BANK1: variants seen among roughly 807,000 people sequenced by gnomAD.
BANK1 encodes B-cell scaffold protein with ankyrin repeats.
A neutral mutation model predicts 94.5 loss-of-function variants in BANK1; 95 were observed. The observed-to-expected ratio is 1.00, with a 90% CI of 0.85 to 1.19. The LOEUF (loss-of-function observed/expected upper bound fraction) is 1.19, where lower values mean the gene tolerates loss of function less well. Ranked by LOEUF, BANK1 falls within the 50% of genes most tolerant of loss-of-function variation. The pLI is 0.00. For synonymous variants in BANK1, 334 were observed against 308.4 expected, an observed-to-expected ratio of 1.08 and a Z score of -0.87; for missense variants, 987 against 932.2, an observed-to-expected ratio of 1.06 and a Z score of -0.77.
rs1355685202 is a variant in BANK1, at chr4:101,855,054, G to A, written c.489G>A (p.Glu163=). Residue 163 remains glutamate, a synonymous_variant, in exon 3 of 17, where the codon GAG becomes GAA. Transcript: ENST00000322953. ...IIFKDSEDYF[E]VNIPTDLRAK... is the part of the protein sequence containing the mutation. The stretch of plus-strand genomic sequence containing the variant: ...CTCTAGATTCTGAAGACTACTTTGA[G>A]GTCAACATTCCAACAGACCTACGAG... The A allele has an allele frequency of 6.2e-7, 1 of 1,611,440 alleles. No individual in the cohort carries two copies. The highest frequency in any genetic ancestry group is 2.2e-5 in the East Asian group (1 of 44,844).
At chr4:101,857,244 C>G (rs1465721746) in intron 3 of BANK1, among the ~76,000 whole-genome samples, 3 of 152,198 alleles carry the variant, frequency 2.0e-5, no homozygotes, top group African/African-American at 4.8e-5. Flanking sequence ...CTACCTCAGT[C>G]AGTCACCAGG....
intron 1 of BANK1, among the ~76,000 whole-genome samples, chr4:101,820,393 T>C (rs1260217672): frequency 3.3e-5 from 5 of 152,336 alleles, no homozygotes; most frequent in Non-Finnish European, 7.3e-5. Flanking sequence ...CAGTGAGGGA[T>C]GTTGGCATCT....
intron 1 of BANK1, among the ~76,000 whole-genome samples, chr4:101,819,693 C>G (rs1236466558): frequency 6.6e-6 from 1 of 152,130 alleles, no homozygotes; most frequent in Non-Finnish European, 1.5e-5. Context: ...CCATCGACAT[C>G]AAAAGTTCAG....
intron 1 of BANK1, among the ~76,000 whole-genome samples, chr4:101,821,951 A>G (rs1272811041): frequency 6.6e-6 from 1 of 152,210 alleles, no homozygotes; most frequent in Non-Finnish European, 1.5e-5. Flanking sequence ...ATGGGAGCCT[A>G]GGTGATGTAA....
chr4:101,867,176 T>TAAAAAAAAAAA (rs754806525), intron 4 of BANK1, among the ~76,000 whole-genome samples: 1 of 33,378 alleles, frequency 3.0e-5, no homozygotes, highest in Non-Finnish European at 5.7e-5. Context: ...AAAAAAAATT[T>TAAAAAAAAAAA]AAAAAAAAAA....
intron 7 of BANK1, among the ~76,000 whole-genome samples, chr4:102,002,737 A>G (rs1168518783): frequency 6.6e-6 from 1 of 152,214 alleles, no homozygotes; most frequent in Non-Finnish European, 1.5e-5. Context: ...GAGAACTCAA[A>G]TTCAGGGAAA....
At chr4:101,864,104 C>G (rs1211391572) in intron 4 of BANK1, among the ~76,000 whole-genome samples, 1 of 152,118 alleles carries the variant, frequency 6.6e-6, no homozygotes, top group African/African-American at 2.4e-5. Context: ...GATTAAACAA[C>G]AAATCTGTAA....
At chr4:101,922,391 G>C (rs1723029286) in intron 7 of BANK1, among the ~76,000 whole-genome samples, 1 of 151,688 alleles carries the variant, frequency 6.6e-6, no homozygotes, top group Non-Finnish European at 1.5e-5. Flanking sequence ...AGCATATCCT[G>C]CTTTGCTTAT....
Position 101,918,012 on chromosome 4 carries a change from T to G in BANK1, c.1029T>G (p.Leu343=), listed in dbSNP as rs1560632322. 9.3e-6 allele frequency: 15 copies of G among 1,607,486 alleles called. No homozygotes were observed. The highest frequency in any genetic ancestry group is 1.3e-5 in the Non-Finnish European group (15 of 1,175,494). The part of the protein sequence containing the change: ...SQNKYTHFKE[L]PTLLHCAAKF... ...TTACAGATACTCATTTCAAAGAACT[T>G]CCAACTCTTCTCCACTGTGCAGCAA... The change falls in exon 7 of 17, where the codon CTT becomes CTG. Residue 343 remains leucine (L), a synonymous_variant. Coordinates refer to ENST00000322953, the MANE Select transcript of BANK1 (RefSeq NM_017935.5).
chr4:101,970,216 C>T (rs1014546412), intron 7 of BANK1, among the ~76,000 whole-genome samples: 1 of 152,032 alleles, frequency 6.6e-6, no homozygotes, highest in African/African-American at 2.4e-5. Context: ...AGATTCGAGG[C>T]GCTGGCGCAT....
chr4:101,811,636 A>T (rs998280606), intron 1 of BANK1, among the ~76,000 whole-genome samples: 1 of 152,140 alleles, frequency 6.6e-6, no homozygotes, highest in Non-Finnish European at 1.5e-5. Flanking sequence ...GATACATTTT[A>T]AAAATGCCAA....
rs1471819806 is a variant in BANK1 at position 101,897,012 on chromosome 4, A to G, written c.1009+1602A>G. Among the ~76,000 whole-genome samples the G allele has an allele frequency of 3.3e-5, 5 of 152,026 alleles. No individual in the cohort carries two copies. The East Asian group carries it at 9.6e-4, about 29-fold the overall frequency. On this transcript the variant is annotated intron_variant, in intron 6 of 16. Transcript: ENST00000322953. ...TACTTAATTGAATAAAAAGCAGGCT[A>G]GGTAACAGGTTAGTTCTATTTGGAA...
chr4:102,058,315 A>C (rs1387221396), intron 11 of BANK1, among the ~76,000 whole-genome samples: 1 of 152,140 alleles, frequency 6.6e-6, no homozygotes, highest in Non-Finnish European at 1.5e-5. Flanking sequence ...GAAATTTTTT[A>C]AAAGGAATTA....
At chr4:101,934,709 A>C (rs1258766542) in intron 7 of BANK1, among the ~76,000 whole-genome samples, 3 of 151,566 alleles carry the variant, frequency 2.0e-5, no homozygotes, top group Non-Finnish European at 4.4e-5. Flanking sequence ...CTATCAGAAC[A>C]ATTCATAAAT....
At chr4:101,852,092 T>C (rs966001006) in intron 2 of BANK1, among the ~76,000 whole-genome samples, 2 of 152,126 alleles carry the variant, frequency 1.3e-5, no homozygotes, top group Non-Finnish European at 2.9e-5. Context: ...TCTGTTCATT[T>C]AGTTCCAGAT....
At chr4:102,005,510 C>G (rs1726231609) in intron 7 of BANK1, among the ~76,000 whole-genome samples, 1 of 151,990 alleles carries the variant, frequency 6.6e-6, no homozygotes, top group African/African-American at 2.4e-5. Flanking sequence ...ACAGTTGGTT[C>G]TAGTGGACAC....
At chr4:101,952,581 TG>T (rs1409865361) in intron 7 of BANK1, among the ~76,000 whole-genome samples, 1 of 152,148 alleles carries the variant, frequency 6.6e-6, no homozygotes, top group African/African-American at 2.4e-5. Context: ...GATTATAATT[TG>T]GTAAAACATC....
chr4:101,822,098 T>C (rs1726174350), intron 1 of BANK1, among the ~76,000 whole-genome samples: 1 of 152,156 alleles, frequency 6.6e-6, no homozygotes, highest in Non-Finnish European at 1.5e-5. Context: ...CTCATGCCTG[T>C]AATCCTAGCA....
At chr4:101,953,677 G>T (rs1200048496) in intron 7 of BANK1, among the ~76,000 whole-genome samples, 1 of 152,032 alleles carries the variant, frequency 6.6e-6, no homozygotes, top group African/African-American at 2.4e-5. Flanking sequence ...ATATGAATTT[G>T]TAAGTTGTGA....
Sources: allele counts gnomAD v4.1 joint callset (sites outside exome capture counted in the v4.1 genomes callset), GRCh38; gene constraint gnomAD v4.1.1; transcripts MANE v1.5; gene names NCBI Gene and HGNC (gene_info 2026-07-23, HGNC 2026-07-21).